The following KIAA1671 variants were observed in gnomAD, a reference collection of about 807,000 sequenced individuals.
KIAA1671 encodes KIAA1671.
In KIAA1671, 52 loss-of-function variants were observed where a neutral mutation model predicts 131.2. The observed-to-expected ratio is 0.40, with a 90% CI of 0.32 to 0.50. KIAA1671 has a LOEUF of 0.50. Among genes scored for constraint, KIAA1671 ranks in the 20% least tolerant of loss-of-function variants. KIAA1671 has a pLI of 0.73. For synonymous variants in KIAA1671, 1,003 were observed against 961.6 expected (o/e 1.04, Z -0.80); for missense variants, 2,360 against 2,364.2 (o/e 1.00, Z 0.04).
chr22:24,955,840 A>G (rs1921663086), intron 1 of KIAA1671, among the ~76,000 whole-genome samples: 1 of 152,086 alleles, frequency 6.6e-6, no homozygotes, highest in East Asian at 1.9e-4. Context: ...CCTGGCTAAC[A>G]TGGTGAAACC....
In KIAA1671 at chr22:25,148,003, A is replaced by AC. The variant is rs1568979716; in HGVS notation, c.4531-22816dup. ...CCCTCCCTCCCTCCCTCCCTACCTC[A>AC]CTCTCTCCCTTTCTTTCCCTTGCTA... On this transcript the variant is annotated intron_variant, in intron 6 of 12. Coordinates refer to ENST00000358431, the MANE Select transcript of KIAA1671 (RefSeq NM_001145206.2). Among the ~76,000 whole-genome samples, 116 of 46,860 alleles carry AC rather than the reference A, an allele frequency of 2.5e-3. 1 individual carries two copies. The highest frequency in any genetic ancestry group is 1.7e-3 in the Non-Finnish European group (40 of 24,202). The allele number at this position is 46,860 out of a possible 152,430, so 30.7% of individuals were successfully genotyped here.
At chr22:25,062,449 C>G (rs1384055792) in intron 6 of KIAA1671, 3 of 152,240 alleles carry the variant, frequency 2.0e-5, no homozygotes, top group African/African-American at 7.2e-5. Flanking sequence ...GCAGGCACTC[C>G]CCCCAGCCCC....
intron 6 of KIAA1671, chr22:25,112,183 T>C (rs1931397149): frequency 7.5e-6 from 3 of 399,046 alleles, no homozygotes; most frequent in Non-Finnish European, 8.8e-6. Context: ...GCCCCATGGA[T>C]TACCTGGGAG....
chr22:24,979,692 C>CAA (rs1923127934), intron 1 of KIAA1671, among the ~76,000 whole-genome samples: 1 of 152,116 alleles, frequency 6.6e-6, no homozygotes, highest in Non-Finnish European at 1.5e-5. Context: ...TAAGTACATT[C>CAA]ACATTGTTGT....
chr22:24,987,171 A>ATTTTT (rs772183225), intron 1 of KIAA1671, among the ~76,000 whole-genome samples: 1 of 146,780 alleles, frequency 6.8e-6, no homozygotes, highest in Non-Finnish European at 1.5e-5. Flanking sequence ...TATTATTATT[A>ATTTTT]TTTTTTTTTT....
At chr22:25,083,452 A>G (rs1222467897) in intron 6 of KIAA1671, among the ~76,000 whole-genome samples, 2 of 152,184 alleles carry the variant, frequency 1.3e-5, no homozygotes, top group Non-Finnish European at 2.9e-5. Flanking sequence ...ATTTCAGTCC[A>G]TAGCAGCCAG....
intron 1 of KIAA1671, among the ~76,000 whole-genome samples, chr22:24,965,666 C>T (rs1300185708): frequency 4.9e-5 from 7 of 143,818 alleles, no homozygotes; most frequent in African/African-American, 1.5e-4. Context: ...CTTGAACCCG[C>T]GAGGTGGAGG....
intron 5 of KIAA1671, among the ~76,000 whole-genome samples, chr22:25,047,868 A>G (rs1927334079): frequency 1.3e-5 from 2 of 152,360 alleles, no homozygotes; most frequent in South Asian, 2.1e-4. Flanking sequence ...TGCCTTTGGT[A>G]TCATATTTAA....
intron 1 of KIAA1671, among the ~76,000 whole-genome samples, chr22:24,973,764 C>T (rs1289219447): frequency 2.0e-5 from 3 of 151,982 alleles, no homozygotes; most frequent in Non-Finnish European, 4.4e-5. Flanking sequence ...ATATGAAGCT[C>T]CAGGAGGGCA....
intron 1 of KIAA1671, among the ~76,000 whole-genome samples, chr22:24,958,327 C>G (rs1240035862): frequency 6.6e-6 from 1 of 151,984 alleles, no homozygotes; most frequent in East Asian, 1.9e-4. Context: ...TGAGACCAGC[C>G]TGGGCAACAT....
At chr22:24,972,758 GCAC>G (rs1259683724) in intron 1 of KIAA1671, among the ~76,000 whole-genome samples, 2 of 152,058 alleles carry the variant, frequency 1.3e-5, no homozygotes, top group Non-Finnish European at 2.9e-5. Context: ...ACTGTTCTGG[GCAC>G]CAAGGATGCA....
At chr22:25,093,737 A>ACTCTCTCTCTCTCTCTCTCTCTCTCTCT (rs1326086246) in intron 6 of KIAA1671, among the ~76,000 whole-genome samples, 2 of 30,138 alleles carry the variant, frequency 6.6e-5, no homozygotes. Context: ...ACACACACAC[A>ACTCTCTCTCTCTCTCTCTCTCTCTCTCT]CTCTCTCTCT....
chr22:25,026,233 G>A, intron 2 of KIAA1671, among the ~76,000 whole-genome samples: 1 of 152,092 alleles, frequency 6.6e-6, no homozygotes, highest in East Asian at 1.9e-4. Context: ...CGGGGGAGCA[G>A]TGTGGGGCCC....
At chr22:24,963,206 A>G (rs113897750) in intron 1 of KIAA1671, among the ~76,000 whole-genome samples, 1 of 151,770 alleles carries the variant, frequency 6.6e-6, no homozygotes, top group Non-Finnish European at 1.5e-5. Flanking sequence ...TCTACTAAAC[A>G]TACAAAAATT....
chr22:24,967,749 C>T (rs569883170), intron 1 of KIAA1671, among the ~76,000 whole-genome samples: 13 of 152,192 alleles, frequency 8.5e-5, no homozygotes, highest in South Asian at 4.2e-4. Flanking sequence ...TCCCAGCACT[C>T]TGGGAGGCCA....
At chr22:25,137,766 C>T (rs2145955270) in intron 6 of KIAA1671, among the ~76,000 whole-genome samples, 1 of 152,316 alleles carries the variant, frequency 6.6e-6, no homozygotes, top group Non-Finnish European at 1.5e-5. Flanking sequence ...AGTTGCCCAA[C>T]CCTTTCTGGG....
intron 6 of KIAA1671, among the ~76,000 whole-genome samples, chr22:25,096,794 C>G (rs746517616): frequency 7.9e-5 from 12 of 152,220 alleles, no homozygotes; most frequent in Admixed American, 2.0e-4. Context: ...ATCCTGTCCT[C>G]AAGCAACCAT....
chr22:24,996,612 T>C (rs1218997680), intron 1 of KIAA1671, among the ~76,000 whole-genome samples: 3 of 151,456 alleles, frequency 2.0e-5, no homozygotes, highest in Non-Finnish European at 4.4e-5. Flanking sequence ...GACAGGATAA[T>C]AGGGCAGGGG....
intron 4 of KIAA1671, among the ~76,000 whole-genome samples, chr22:25,034,070 G>A (rs1309328583): frequency 6.9e-6 from 1 of 145,454 alleles, no homozygotes; most frequent in Non-Finnish European, 1.5e-5. Flanking sequence ...TTTTGGAAAC[G>A]GAGTTTTGCT....
Sources: allele counts gnomAD v4.1 joint callset (sites outside exome capture counted in the v4.1 genomes callset), GRCh38; gene constraint gnomAD v4.1.1; transcripts MANE v1.5; gene names NCBI Gene and HGNC (gene_info 2026-07-23, HGNC 2026-07-21).